Variants in NLGN1 observed in about 807,000 individuals in gnomAD.
NLGN1 encodes neuroligin 1.
A neutral mutation model predicts 65.5 loss-of-function variants in NLGN1; 12 were observed. The observed-to-expected ratio is 0.18, with a 90% CI of 0.12 to 0.30. The LOEUF is 0.30. NLGN1 is among the 10% of genes least tolerant of loss of function. The pLI, the probability that NLGN1 is intolerant of heterozygous loss-of-function variation, is 1.00. For synonymous variants in NLGN1, 350 were observed against 359.5 expected (o/e 0.97, Z 0.30); for missense variants, 750 against 1,007.1 (o/e 0.74, Z 3.46).
intron 4 of NLGN1, among the ~76,000 whole-genome samples, chr3:174,010,385 C>G (rs1427977088): frequency 2.6e-5 from 4 of 152,188 alleles, no homozygotes; most frequent in South Asian, 4.1e-4. Context: ...ATGTTAATCC[C>G]AAATATTGAC....
chr3:174,080,102 A>G (rs550873671), intron 4 of NLGN1, among the ~76,000 whole-genome samples: 4 of 152,348 alleles, frequency 2.6e-5, no homozygotes, highest in Admixed American at 6.5e-5. Flanking sequence ...CACATATTAC[A>G]TTTGATTCTT....
At chr3:173,403,631 C>T (rs1369641868) in intron 1 of NLGN1, among the ~76,000 whole-genome samples, 4 of 152,104 alleles carry the variant, frequency 2.6e-5, no homozygotes, top group Non-Finnish European at 5.9e-5. Context: ...GCTTTATTTT[C>T]ATTCTTTTGC....
At chr3:174,232,687 A>C (rs980299471) in intron 4 of NLGN1, among the ~76,000 whole-genome samples, 6 of 152,170 alleles carry the variant, frequency 3.9e-5, no homozygotes, top group Admixed American at 1.3e-4. Flanking sequence ...AAAGAGAGAG[A>C]AAGGCCGAAA....
intron 3 of NLGN1, among the ~76,000 whole-genome samples, chr3:173,786,494 A>G (rs543731055): frequency 1.3e-5 from 2 of 152,280 alleles, no homozygotes; most frequent in Admixed American, 6.5e-5. Context: ...CTCAATGGAA[A>G]GTTATCTTTA....
intron 4 of NLGN1, among the ~76,000 whole-genome samples, chr3:173,904,084 C>G (rs1184865779): frequency 6.6e-6 from 1 of 152,148 alleles, no homozygotes; most frequent in Non-Finnish European, 1.5e-5. Flanking sequence ...ATAGATTCAA[C>G]TTACACGACT....
chr3:173,407,648 A>C (rs554487565), intron 1 of NLGN1, among the ~76,000 whole-genome samples: 2 of 152,290 alleles, frequency 1.3e-5, no homozygotes, highest in East Asian at 3.9e-4. Flanking sequence ...AATAGAGAAG[A>C]GGGAGCAAGC....
At chr3:174,084,810 A>T (rs1044307387) in intron 4 of NLGN1, among the ~76,000 whole-genome samples, 1 of 152,108 alleles carries the variant, frequency 6.6e-6, no homozygotes, top group Non-Finnish European at 1.5e-5. Flanking sequence ...ATATTGGAAT[A>T]ATGAGCTTCA....
At chr3:173,495,830 AGTCTCTGCTTCT>A (rs1050897258) in intron 2 of NLGN1, among the ~76,000 whole-genome samples, 3 of 151,604 alleles carry the variant, frequency 2.0e-5, no homozygotes, top group African/African-American at 2.4e-5. Context: ...ACCCTATCCC[AGTCTCTGCTTCT>A]GTCTCTGTAC....
At chr3:173,417,117 CT>C (rs1001965915) in intron 1 of NLGN1, among the ~76,000 whole-genome samples, 49 of 151,720 alleles carry the variant, frequency 3.2e-4, no homozygotes, top group Non-Finnish European at 5.9e-4. Flanking sequence ...AATGATCTAC[CT>C]TTTTTGTATT....
chr3:174,086,192 T>C (rs1229423434), intron 4 of NLGN1, among the ~76,000 whole-genome samples: 1 of 151,226 alleles, frequency 6.6e-6, no homozygotes, highest in Non-Finnish European at 1.5e-5. Flanking sequence ...TATGTGTGTG[T>C]GTGTGTGTGT....
chr3:173,486,476 T>A (rs542074999), intron 2 of NLGN1, among the ~76,000 whole-genome samples: 1 of 152,224 alleles, frequency 6.6e-6, no homozygotes, highest in East Asian at 1.9e-4. Flanking sequence ...AAATTATCAG[T>A]CTAGGGATTT....
At chr3:173,562,895 CT>C (rs1469411181) in intron 2 of NLGN1, among the ~76,000 whole-genome samples, 1 of 152,154 alleles carries the variant, frequency 6.6e-6, no homozygotes, top group African/African-American at 2.4e-5. Flanking sequence ...CAATAACTTT[CT>C]TTTGGCTATC....
At chr3:173,887,265 C>T (rs1200203048) in intron 4 of NLGN1, among the ~76,000 whole-genome samples, 1 of 151,932 alleles carries the variant, frequency 6.6e-6, no homozygotes, top group East Asian at 1.9e-4. Flanking sequence ...GAGATTCTAC[C>T]TATATTTCTT....
At chr3:173,835,624 T>A (rs1227907261) in intron 4 of NLGN1, among the ~76,000 whole-genome samples, 1 of 148,366 alleles carries the variant, frequency 6.7e-6, no homozygotes, top group Admixed American at 6.8e-5. Flanking sequence ...TTCTCTCATC[T>A]ATGCCCTTGT....
intron 4 of NLGN1, among the ~76,000 whole-genome samples, chr3:174,167,893 C>A (rs1727827156): frequency 6.6e-6 from 1 of 151,856 alleles, no homozygotes; most frequent in African/African-American, 2.4e-5. Flanking sequence ...ACGCTTTCCT[C>A]AGTTTAAAAA....
chr3:173,569,757 T>C (rs1227361136), intron 2 of NLGN1, among the ~76,000 whole-genome samples: 1 of 152,174 alleles, frequency 6.6e-6, no homozygotes. Flanking sequence ...GAGCTGTGAA[T>C]TGGGAGCTGC....
At chr3:173,887,763 A>C (rs761325406) in intron 4 of NLGN1, among the ~76,000 whole-genome samples, 2 of 151,964 alleles carry the variant, frequency 1.3e-5, no homozygotes, top group Non-Finnish European at 1.5e-5. Context: ...CAGCTCTAAA[A>C]GGGATCTTTT....
intron 3 of NLGN1, among the ~76,000 whole-genome samples, chr3:173,701,604 G>A (rs1767173886): frequency 6.6e-6 from 1 of 152,164 alleles, no homozygotes; most frequent in South Asian, 2.1e-4. Context: ...AACTAAATTT[G>A]TGGTGATTTG....
At chr3:173,949,051 A>T (rs1036827534) in intron 4 of NLGN1, among the ~76,000 whole-genome samples, 5 of 152,114 alleles carry the variant, frequency 3.3e-5, no homozygotes, top group African/African-American at 1.2e-4. Context: ...TGGTCAACCT[A>T]TGTAAAAATA....
Sources: allele counts gnomAD v4.1 joint callset (sites outside exome capture counted in the v4.1 genomes callset), GRCh38; gene constraint gnomAD v4.1.1; transcripts MANE v1.5; gene names NCBI Gene and HGNC (gene_info 2026-07-23, HGNC 2026-07-21).